The following HNRNPR variants were observed in gnomAD, a reference collection of about 807,000 sequenced individuals.
The protein encoded by HNRNPR is heterogeneous nuclear ribonucleoprotein R.
A neutral mutation model predicts 70.3 loss-of-function variants in HNRNPR; 4 were observed. That is an observed-to-expected ratio of 0.06 (90% CI 0.03 to 0.13). The LOEUF is 0.13. Ranked by LOEUF, HNRNPR falls within the 10% of genes least tolerant of loss-of-function variation. HNRNPR has a pLI of 1.00. For synonymous variants in HNRNPR, 241 were observed against 267.6 expected (o/e 0.90, Z 0.97); for missense variants, 423 against 788.5 (o/e 0.54, Z 5.55).
rs1450999893 is a variant in HNRNPR at position 23,305,492 on chromosome 1, A to G, written c.*4962T>C. 1 of 152,198 alleles carries G rather than the reference A, an allele frequency of 6.6e-6. No homozygotes were observed. 9.4% of individuals were successfully genotyped at this position (152,198 alleles called of 1,614,324 possible). ...CTAGACTGATATTCTCAACCAATAA[A>G]GAAGATACAGTGCTGTAAGAATACT... is the stretch of plus-strand genomic sequence containing the variant. On this transcript the variant is annotated 3_prime_UTR_variant, in exon 11 of 11. Coordinates refer to ENST00000302271, the MANE Select transcript of HNRNPR (RefSeq NM_005826.5).
chr1:23,340,708 T>C (rs1031792138), intron 2 of HNRNPR, 144 bp downstream of exon 2: 2 of 641,800 alleles, frequency 3.1e-6, no homozygotes, highest in Non-Finnish European at 5.2e-6. Flanking sequence ...AAACCCAATA[T>C]GCCTTCAATG....
chr1:23,335,159 C>T (rs1156922893), intron 4 of HNRNPR, among the ~76,000 whole-genome samples: 1 of 152,186 alleles, frequency 6.6e-6, no homozygotes, highest in Non-Finnish European at 1.5e-5. Flanking sequence ...ACCTCGTGAT[C>T]CACCCGCCTC....
At chr1:23,331,405 T>TA (rs59528152) in intron 5 of HNRNPR, among the ~76,000 whole-genome samples, 90 of 127,234 alleles carry the variant, frequency 7.1e-4, no homozygotes, top group South Asian at 3.5e-3. Context: ...CACAAAAAAT[T>TA]AAAAAAAAAA....
Position 23,310,303 on chromosome 1 carries a change from G to GTAT in HNRNPR, c.*148_*150dup, listed in dbSNP as rs1645280389. The GTAT allele has an allele frequency of 2.8e-6, 2 of 703,120 alleles. No homozygotes were observed. Among genetic ancestry groups the GTAT allele is most frequent in the Non-Finnish European group, 4.7e-6 (2 of 424,428 alleles). 43.6% of individuals were successfully genotyped at this position (703,120 alleles called of 1,614,324 possible). ...AAAGAGGAAAAATAAAAAGACTTGA[G>GTAT]TATATACACAATAGTGATTTCTTCA... is the stretch of plus-strand genomic sequence containing the variant. On this transcript the variant is annotated 3_prime_UTR_variant, in exon 11 of 11. Transcript: ENST00000302271. The surrounding 1 kb of genome is among the most constrained non-coding windows in gnomAD (Gnocchi z 6.0).
In HNRNPR at chr1:23,308,811, T is replaced by C. The variant is rs1310072011; in HGVS notation, c.*1643A>G. ...AGATTACACGGAATTAAGTGGCTTA[T>C]GATTTTGAAATCTAATATTCCTATC... On this transcript the variant is annotated 3_prime_UTR_variant, in exon 11 of 11. Coordinates refer to ENST00000302271, the MANE Select transcript of HNRNPR (RefSeq NM_005826.5). The C allele has an allele frequency of 1.3e-5, 2 of 152,096 alleles. No homozygotes were observed. The highest frequency in any genetic ancestry group is 2.1e-4 in the South Asian group (1 of 4,836). The allele number at this position is 152,096 out of a possible 1,614,324, so 9.4% of individuals were successfully genotyped here.
At position 23,311,269 on chromosome 1, in the gene HNRNPR, G is replaced by A; in HGVS notation, c.1221C>T (p.Val407=). 1.2e-6 allele frequency: 2 copies of A among 1,611,654 alleles called. No individual in the cohort carries two copies. Among genetic ancestry groups the A allele is most frequent in the Non-Finnish European group, 1.7e-6 (2 of 1,178,100 alleles). ...TTTTCTTGTCTGGTGGCTTGGCTAA[G>A]ACTATTTCAATTTCTTCCCCTTCTA... The part of the protein sequence containing the change: ...KEIEGEEIEI[V]LAKPPDKKRK... The change falls in exon 10 of 11, where the codon GTC becomes GTT. Residue 407 remains valine, a synonymous_variant. Transcript: ENST00000302271.
Position 23,323,428 on chromosome 1 carries a change from TG to T in HNRNPR, c.675+127del. 7 of 772,858 alleles carry T rather than the reference TG, an allele frequency of 9.1e-6. No homozygotes were observed. The South Asian group carries it at 1.2e-4, about 13-fold the overall frequency. 47.9% of individuals were successfully genotyped at this position (772,858 alleles called of 1,614,324 possible). On this transcript the variant is annotated intron_variant, in intron 6 of 10. Coordinates refer to ENST00000302271, the MANE Select transcript of HNRNPR (RefSeq NM_005826.5). ...GAAAAATAAACGTCACATACCAACTTGGTCAGTATAAAAACATTCCAAGCAA... is the reference window on the plus strand; with the variant it reads ...GAAAAATAAACGTCACATACCAACTTGTCAGTATAAAAACATTCCAAGCAA...
At chr1:23,325,226 C>G (rs1057082415) in intron 5 of HNRNPR, among the ~76,000 whole-genome samples, 2 of 152,016 alleles carry the variant, frequency 1.3e-5, no homozygotes, top group Non-Finnish European at 2.9e-5. Flanking sequence ...GACAAATTTT[C>G]TAGTGAAACT....
rs1295492947 is a variant in HNRNPR, at chr1:23,307,477, A to G, written c.*2977T>C. 1 of 152,086 alleles carries G rather than the reference A, an allele frequency of 6.6e-6. No individual in the cohort carries two copies. Among genetic ancestry groups the G allele is most frequent in the Non-Finnish European group, 1.5e-5 (1 of 67,948 alleles). 9.4% of individuals were successfully genotyped at this position (152,086 alleles called of 1,614,324 possible). On this transcript the variant is annotated 3_prime_UTR_variant, in exon 11 of 11. Transcript: ENST00000302271. ...CAGAAAGCATTGGGCTTTCTTATGC[A>G]GAATAACCCCAGTAACTAAAAAAAC...
rs768241902 is a variant in HNRNPR, at chr1:23,318,711, T to G, written c.812-23A>C. The G allele has an allele frequency of 6.2e-7, 1 of 1,612,346 alleles. No homozygotes were observed. The highest frequency in any genetic ancestry group is 1.1e-5 in the South Asian group (1 of 90,930). On this transcript the variant is annotated intron_variant, in intron 7 of 10. Coordinates refer to ENST00000302271, the MANE Select transcript of HNRNPR (RefSeq NM_005826.5). The surrounding 1 kb of genome is among the most constrained non-coding windows in gnomAD (Gnocchi z 4.2). The stretch of plus-strand genomic sequence containing the variant: ...CCTCTGTTAAACCAACAGCCAGATA[T>G]ATAAGCCAAAAGCATCCACCACACA...
At chr1:23,326,484 A>T in intron 5 of HNRNPR, among the ~76,000 whole-genome samples, 1 of 152,186 alleles carries the variant, frequency 6.6e-6, no homozygotes, top group South Asian at 2.1e-4. Flanking sequence ...TCTAATAACC[A>T]AATTCAAGTC....
chr1:23,308,358 G>A lies in HNRNPR; in HGVS notation c.*2096C>T, dbSNP rs1026886650. On this transcript the variant is annotated 3_prime_UTR_variant, in exon 11 of 11. Transcript: ENST00000302271. ...ATTCTTTATGACAACTTTGTAGCTT[G>A]TAACACCTAATTAAGAAATACAAAC... 1.3e-5 allele frequency: 2 copies of A among 151,998 alleles called. No individual in the cohort carries two copies. The highest frequency in any genetic ancestry group is 4.8e-5 in the African/African-American group (2 of 41,430). The allele number at this position is 151,998 out of a possible 1,614,324, so 9.4% of individuals were successfully genotyped here.
At position 23,318,779 on chromosome 1, in the gene HNRNPR, A is replaced by C; in HGVS notation, c.812-91T>G. On this transcript the variant is annotated intron_variant, in intron 7 of 10. Coordinates refer to ENST00000302271, the MANE Select transcript of HNRNPR (RefSeq NM_005826.5). This position sits in a 1 kb window ranked among gnomAD's most constrained non-coding sequence, Gnocchi z 4.2. ...CCTAAATCCACTTGACGATGAGCAA[A>C]ATATAAGTGAAGCAGCCTCAACATG... The C allele has an allele frequency of 8.5e-7, 1 of 1,175,438 alleles. No homozygotes were observed. The highest frequency in any genetic ancestry group is 1.2e-6 in the Non-Finnish European group (1 of 815,364). The allele number at this position is 1,175,438 out of a possible 1,614,324, so 72.8% of individuals were successfully genotyped here.
At chr1:23,338,197 CA>C in intron 3 of HNRNPR, 1 of 311,842 alleles carries the variant, frequency 3.2e-6, no homozygotes, top group Non-Finnish European at 5.8e-6. Context: ...AAATAACCCC[CA>C]AATGTTAAAA....
Position 23,310,321 on chromosome 1 carries a change from T to C in HNRNPR, c.*133A>G. On this transcript the variant is annotated 3_prime_UTR_variant, in exon 11 of 11. Transcript: ENST00000302271. This position sits in a 1 kb window ranked among gnomAD's most constrained non-coding sequence, Gnocchi z 6.0. ...GACTTGAGTATATACACAATAGTGA[T>C]TTCTTCAGCCCAATACAAATGGCAG... 1 of 806,586 alleles carries C rather than the reference T, an allele frequency of 1.2e-6. No individual in the cohort carries two copies. The highest frequency in any genetic ancestry group is 2.0e-6 in the Non-Finnish European group (1 of 509,176). The allele number at this position is 806,586 out of a possible 1,614,324, so 50.0% of individuals were successfully genotyped here. A position where few individuals can be genotyped will look rare whatever the true frequency, so the allele number is the denominator to read the frequency against.
chr1:23,342,551 CTG>C (rs1315363194), intron 1 of HNRNPR, among the ~76,000 whole-genome samples: 3 of 152,180 alleles, frequency 2.0e-5, no homozygotes, highest in African/African-American at 4.8e-5. Context: ...GATCAAGAAA[CTG>C]TATTGTGTGA....
At position 23,313,408 on chromosome 1, in the gene HNRNPR, CTAT is replaced by C. The variant is rs1365484347; in HGVS notation, c.1167+142_1167+144del. ...AATATGGAGTCTTATCTGTTACATA[CTAT>C]TACCACTTTACAGAGATTAAATAGA... On this transcript the variant is annotated intron_variant, in intron 9 of 10. Coordinates refer to ENST00000302271, the MANE Select transcript of HNRNPR (RefSeq NM_005826.5). 6.6e-6 allele frequency: 4 copies of C among 603,066 alleles called. No individual in the cohort carries two copies. The East Asian group carries it at 1.2e-4, about 18-fold the overall frequency. The allele number at this position is 603,066 out of a possible 1,614,324, so 37.4% of individuals were successfully genotyped here. A position where few individuals can be genotyped will look rare whatever the true frequency, so the allele number is the denominator to read the frequency against.
chr1:23,328,456 A>G (rs557933568), intron 5 of HNRNPR, among the ~76,000 whole-genome samples: 32 of 152,278 alleles, frequency 2.1e-4, no homozygotes, highest in African/African-American at 6.3e-4. Flanking sequence ...CTGGATTCAA[A>G]TCTACATTTT....
chr1:23,323,055 A>G (rs1459655992), intron 6 of HNRNPR, among the ~76,000 whole-genome samples: 1 of 152,228 alleles, frequency 6.6e-6, no homozygotes. Flanking sequence ...AACATACAGG[A>G]AGAACAAAAA....
Sources: gnomAD v4.1 joint callset for allele counts (sites outside exome capture counted in the v4.1 genomes callset) on GRCh38, gnomAD v4.1.1 for gene constraint, Gnocchi (gnomAD v3.1) non-coding constraint, MANE v1.5 for transcripts, NCBI Gene and HGNC (gene_info 2026-07-23, HGNC 2026-07-21) for gene names.